SLCO1B1: variants seen among roughly 807,000 people sequenced by gnomAD.
The protein encoded by SLCO1B1 is solute carrier organic anion transporter family member 1B1, also known as OATP-2.
A neutral mutation model predicts 70.1 loss-of-function variants in SLCO1B1; 81 were observed. That is an observed-to-expected ratio of 1.16 (90% confidence interval 0.97 to 1.39). The LOEUF is 1.39. SLCO1B1 is among the 40% of genes most tolerant of loss of function. SLCO1B1 has a pLI of 0.00. For synonymous variants in SLCO1B1, 283 were observed against 271.5 expected (o/e 1.04, Z -0.42); for missense variants, 895 against 799.6 (o/e 1.12, Z -1.44).
At chr12:21,179,460 T>A (rs1299589562) in intron 7 of SLCO1B1, among the ~76,000 whole-genome samples, 1 of 152,158 alleles carries the variant, frequency 6.6e-6, no homozygotes, top group Non-Finnish European at 1.5e-5. Context: ...TTTATGGTCA[T>A]TTTCCCTGGT....
In SLCO1B1 at chr12:21,217,122, T is replaced by A. The variant is rs1304733062; in HGVS notation, c.1501T>A (p.Phe501Ile). The part of the protein sequence containing the change: ...SSSGNKKPIV[F>I]YNCSCLEVTG... Reference sequence around the variant, plus strand: ...TATTTTATACACAACGCTTAAGGTGTTTTACAACTGCAGTTGTTTGGAAGT... The same window carrying A: ...TATTTTATACACAACGCTTAAGGTGATTTACAACTGCAGTTGTTTGGAAGT... The change falls in exon 12 of 15, where the codon TTT becomes ATT. Residue 501 changes from phenylalanine (F) to isoleucine (I), a missense_variant. Physicochemically the swap from Phe to Ile is conservative, Grantham distance 21 (BLOSUM62 0). Coordinates refer to ENST00000256958, the MANE Select transcript of SLCO1B1 (RefSeq NM_006446.5). 6.2e-7 allele frequency: 1 copy of A among 1,612,612 alleles called. No homozygotes were observed. Among genetic ancestry groups the A allele is most frequent in the Non-Finnish European group, 8.5e-7 (1 of 1,179,262 alleles).
chr12:21,189,015 C>T (rs1421394673), intron 7 of SLCO1B1, among the ~76,000 whole-genome samples: 1 of 152,164 alleles, frequency 6.6e-6, no homozygotes, highest in African/African-American at 2.4e-5. Flanking sequence ...ATTTATCCCT[C>T]AGCAGACATG....
intron 3 of SLCO1B1, among the ~76,000 whole-genome samples, chr12:21,173,901 G>C (rs1402650730): frequency 6.6e-6 from 1 of 150,520 alleles, no homozygotes; most frequent in African/African-American, 2.4e-5. Flanking sequence ...GGGACTACAG[G>C]CACCCGCCAC....
intron 12 of SLCO1B1, among the ~76,000 whole-genome samples, chr12:21,218,355 A>G (rs1280368087): frequency 2.6e-5 from 4 of 152,218 alleles, no homozygotes; most frequent in African/African-American, 9.6e-5. Flanking sequence ...TCTTAAAAAT[A>G]TACATGTGTA....
At chr12:21,222,274 G>A in intron 12 of SLCO1B1, 26 bp from the exon 13 acceptor site, 1 of 1,184,634 alleles carries the variant, frequency 8.4e-7, no homozygotes, top group Non-Finnish European at 1.1e-6. Flanking sequence ...GATATTTAAT[G>A]TTTCTTTGCC....
chr12:21,138,437 G>A (rs1256709312), intron 1 of SLCO1B1, among the ~76,000 whole-genome samples: 1 of 152,196 alleles, frequency 6.6e-6, no homozygotes, highest in East Asian at 1.9e-4. Context: ...AATATGTTCA[G>A]AGAAAAATAT....
intron 1 of SLCO1B1, among the ~76,000 whole-genome samples, chr12:21,131,884 C>T (rs1166102329): frequency 1.3e-5 from 2 of 151,884 alleles, no homozygotes; most frequent in Non-Finnish European, 2.9e-5. Context: ...ATGTGCACAA[C>T]ATGCAGGTTT....
intron 11 of SLCO1B1, among the ~76,000 whole-genome samples, chr12:21,213,070 A>C (rs535568533): frequency 6.6e-6 from 1 of 151,480 alleles, no homozygotes; most frequent in Admixed American, 6.6e-5. Flanking sequence ...TTACATTTAA[A>C]GTTAATATTG....
intron 12 of SLCO1B1, among the ~76,000 whole-genome samples, chr12:21,218,062 T>C (rs1241220717): frequency 1.3e-5 from 2 of 152,076 alleles, no homozygotes; most frequent in Non-Finnish European, 2.9e-5. Context: ...AAGAAGAGGA[T>C]TCAGAGTACA....
At chr12:21,139,804 A>G (rs564627713) in intron 1 of SLCO1B1, among the ~76,000 whole-genome samples, 2 of 152,178 alleles carry the variant, frequency 1.3e-5, no homozygotes, top group Non-Finnish European at 2.9e-5. Context: ...CATATGATAA[A>G]GAAATATCCT....
At chr12:21,202,754 A>G (rs1021415349) in intron 10 of SLCO1B1, 68 bp downstream of exon 10, 9 of 1,242,570 alleles carry the variant, frequency 7.2e-6, no homozygotes, top group Non-Finnish European at 1.0e-5. Flanking sequence ...CTGTATAAGT[A>G]ATATAAGGCA....
intron 7 of SLCO1B1, among the ~76,000 whole-genome samples, chr12:21,192,082 G>A (rs1009591880): frequency 2.6e-5 from 4 of 151,614 alleles, no homozygotes; most frequent in African/African-American, 9.7e-5. Context: ...TCTTCCTTTT[G>A]GTGTCTTTGT....
intron 7 of SLCO1B1, among the ~76,000 whole-genome samples, chr12:21,180,588 A>G (rs1940883375): frequency 6.6e-6 from 1 of 152,214 alleles, no homozygotes; most frequent in Non-Finnish European, 1.5e-5. Context: ...CAAAGAGATC[A>G]AAGGATTCAT....
At chr12:21,168,945 G>C (rs919588985) in intron 2 of SLCO1B1, among the ~76,000 whole-genome samples, 1 of 151,808 alleles carries the variant, frequency 6.6e-6, no homozygotes, top group Non-Finnish European at 1.5e-5. Flanking sequence ...TTTAAAAATT[G>C]CCAAATTGAA....
At chr12:21,189,327 T>C (rs1941000617) in intron 7 of SLCO1B1, among the ~76,000 whole-genome samples, 1 of 152,216 alleles carries the variant, frequency 6.6e-6, no homozygotes, top group Non-Finnish European at 1.5e-5. Context: ...AGAGTGGAGT[T>C]GTGCTTTTGA....
At chr12:21,190,185 C>T (rs761542981) in intron 7 of SLCO1B1, among the ~76,000 whole-genome samples, 10 of 152,188 alleles carry the variant, frequency 6.6e-5, no homozygotes, top group African/African-American at 9.7e-5. Context: ...TCTAAATAGG[C>T]TTGTCTACCC....
At chr12:21,155,632 G>C (rs1470985394) in intron 2 of SLCO1B1, among the ~76,000 whole-genome samples, 2 of 152,138 alleles carry the variant, frequency 1.3e-5, no homozygotes, top group Admixed American at 1.3e-4. Flanking sequence ...CAGGGGAAGA[G>C]CTAAAGGATA....
intron 2 of SLCO1B1, among the ~76,000 whole-genome samples, chr12:21,155,292 C>A (rs1428372069): frequency 4.0e-5 from 6 of 151,812 alleles, no homozygotes; most frequent in African/African-American, 1.5e-4. Context: ...AATGAAATAA[C>A]CAATTTTATT....
intron 14 of SLCO1B1, among the ~76,000 whole-genome samples, chr12:21,226,816 G>A (rs1941487066): frequency 6.6e-6 from 1 of 152,048 alleles, no homozygotes; most frequent in South Asian, 2.1e-4. Context: ...GTGTGGGGCG[G>A]GGAGTATATG....
Sources: allele counts gnomAD v4.1 joint callset (sites outside exome capture counted in the v4.1 genomes callset), GRCh38; gene constraint gnomAD v4.1.1; transcripts MANE v1.5; gene names NCBI Gene and HGNC (gene_info 2026-07-23, HGNC 2026-07-21).